Variants in CACNA2D3 observed in about 807,000 individuals in gnomAD.
CACNA2D3 encodes calcium voltage-gated channel auxiliary subunit alpha2delta 3.
CACNA2D3 carries 60 observed loss-of-function variants against 160.6 expected under a neutral mutation model. The observed-to-expected ratio is 0.37, with a 90% CI of 0.30 to 0.46. CACNA2D3 has a LOEUF of 0.46. CACNA2D3 is among the 20% of genes least tolerant of loss of function. The probability of loss-of-function intolerance (pLI) is 1.00; values close to 1 mark genes in which losing one functional copy is unlikely to be tolerated. For missense variants in CACNA2D3, 1,205 were observed against 1,365.0 expected, an observed-to-expected ratio of 0.88 and a Z score of 1.85; for synonymous variants, 558 against 492.9, an observed-to-expected ratio of 1.13 and a Z score of -1.75.
intron 27 of CACNA2D3, among the ~76,000 whole-genome samples, chr3:54,944,855 C>A (rs1248766873): frequency 6.6e-6 from 1 of 151,728 alleles, no homozygotes. Context: ...GCTGTCTCTG[C>A]TGTAACACTA....
intron 4 of CACNA2D3, among the ~76,000 whole-genome samples, chr3:54,452,305 T>C (rs1700320599): frequency 6.6e-6 from 1 of 152,170 alleles, no homozygotes; most frequent in South Asian, 2.1e-4. Context: ...CTCATGAGAC[T>C]TACTCACTGC....
intron 27 of CACNA2D3, among the ~76,000 whole-genome samples, chr3:54,938,266 T>C (rs1309694261): frequency 6.6e-6 from 1 of 152,254 alleles, no homozygotes; most frequent in Non-Finnish European, 1.5e-5. Context: ...TTTGTGTATA[T>C]GTTAGTGCAG....
At chr3:54,842,997 T>C (rs1698854347) in intron 16 of CACNA2D3, among the ~76,000 whole-genome samples, 1 of 148,468 alleles carries the variant, frequency 6.7e-6, no homozygotes, top group African/African-American at 2.5e-5. Context: ...TTTTTTTTTT[T>C]CTTTGAGCCT....
chr3:54,590,025 C>G (rs1260947826), intron 9 of CACNA2D3, among the ~76,000 whole-genome samples: 1 of 152,166 alleles, frequency 6.6e-6, no homozygotes, highest in African/African-American at 2.4e-5. Flanking sequence ...TATGTAACTT[C>G]CATATTACTC....
chr3:54,964,119 A>G (rs1259162596), intron 27 of CACNA2D3, among the ~76,000 whole-genome samples: 1 of 152,058 alleles, frequency 6.6e-6, no homozygotes, highest in Non-Finnish European at 1.5e-5. Context: ...AGACCATCCC[A>G]GTATCTTGGG....
chr3:54,446,929 C>T (rs965271812), intron 4 of CACNA2D3, among the ~76,000 whole-genome samples: 5 of 152,210 alleles, frequency 3.3e-5, no homozygotes, highest in African/African-American at 4.8e-5. Flanking sequence ...GACAAGGCCT[C>T]TTCCAAATTG....
At chr3:54,912,900 G>A (rs1575366701) in intron 27 of CACNA2D3, among the ~76,000 whole-genome samples, 1 of 152,132 alleles carries the variant, frequency 6.6e-6, no homozygotes, top group South Asian at 2.1e-4. Context: ...CTCAATGGGA[G>A]GTATTGTAGA....
At chr3:55,062,195 C>G (rs1485392646) in intron 35 of CACNA2D3, among the ~76,000 whole-genome samples, 2 of 152,070 alleles carry the variant, frequency 1.3e-5, no homozygotes, top group South Asian at 2.1e-4. Context: ...TCATAGCTCA[C>G]TGCAGCCTCA....
chr3:54,724,759 A>G (rs981474649), intron 11 of CACNA2D3, among the ~76,000 whole-genome samples: 3 of 152,212 alleles, frequency 2.0e-5, no homozygotes, highest in African/African-American at 4.8e-5. Flanking sequence ...TTTCTGGGAC[A>G]CATTTAAAGC....
chr3:55,020,590 C>T (rs1412894064), intron 35 of CACNA2D3, among the ~76,000 whole-genome samples: 7 of 151,798 alleles, frequency 4.6e-5, no homozygotes, highest in Non-Finnish European at 7.4e-5. Context: ...TGGCTCACGC[C>T]TGTAATCTCA....
At chr3:54,594,757 G>T (rs963059699) in intron 9 of CACNA2D3, among the ~76,000 whole-genome samples, 2 of 152,114 alleles carry the variant, frequency 1.3e-5, no homozygotes, top group African/African-American at 2.4e-5. Context: ...ACTTCTTATT[G>T]GATTCTCATG....
At chr3:54,483,599 TA>T (rs1159458883) in intron 4 of CACNA2D3, among the ~76,000 whole-genome samples, 1 of 152,220 alleles carries the variant, frequency 6.6e-6, no homozygotes, top group Non-Finnish European at 1.5e-5. Flanking sequence ...TTTAATTTTT[TA>T]TCCTATTTAT....
At chr3:54,291,217 T>C (rs1559911309) in intron 2 of CACNA2D3, among the ~76,000 whole-genome samples, 2 of 152,326 alleles carry the variant, frequency 1.3e-5, no homozygotes, top group African/African-American at 2.4e-5. Flanking sequence ...TTACCTATCA[T>C]GAACATATAT....
At chr3:54,356,293 C>G (rs1381213083) in intron 3 of CACNA2D3, among the ~76,000 whole-genome samples, 1 of 152,182 alleles carries the variant, frequency 6.6e-6, no homozygotes, top group Non-Finnish European at 1.5e-5. Flanking sequence ...GTGTGGGCTG[C>G]TGTTGTCCAT....
chr3:54,934,820 C>T (rs770460035), intron 27 of CACNA2D3, among the ~76,000 whole-genome samples: 1 of 152,186 alleles, frequency 6.6e-6, no homozygotes, highest in Non-Finnish European at 1.5e-5. Context: ...CAACTTCCAT[C>T]TCCAAGGTTC....
At chr3:55,027,144 A>C (rs1703580245) in intron 35 of CACNA2D3, among the ~76,000 whole-genome samples, 2 of 152,210 alleles carry the variant, frequency 1.3e-5, no homozygotes, top group Admixed American at 1.3e-4. Flanking sequence ...TTTTATTCCT[A>C]ATCCAAAAAT....
intron 3 of CACNA2D3, among the ~76,000 whole-genome samples, chr3:54,328,539 C>A (rs1341757505): frequency 6.6e-6 from 1 of 152,194 alleles, no homozygotes; most frequent in Non-Finnish European, 1.5e-5. Flanking sequence ...ACCTCGGCCT[C>A]CCAAAGTACT....
intron 3 of CACNA2D3, among the ~76,000 whole-genome samples, chr3:54,377,248 T>C: frequency 6.6e-6 from 1 of 152,218 alleles, no homozygotes; most frequent in East Asian, 1.9e-4. Flanking sequence ...ATTTTACCTC[T>C]GGAACTGAAA....
At chr3:54,588,954 A>G (rs368766058) in intron 9 of CACNA2D3, among the ~76,000 whole-genome samples, 3 of 151,852 alleles carry the variant, frequency 2.0e-5, no homozygotes, top group East Asian at 3.9e-4. Flanking sequence ...ATATGTATGT[A>G]TAATAATACC....
Sources: allele counts gnomAD v4.1 joint callset (sites outside exome capture counted in the v4.1 genomes callset), GRCh38; gene constraint gnomAD v4.1.1; transcripts MANE v1.5; gene names NCBI Gene and HGNC (gene_info 2026-07-23, HGNC 2026-07-21).